RYR2: variants seen among roughly 807,000 people sequenced by gnomAD.
RYR2 encodes ryanodine receptor 2.
A neutral mutation model predicts 601.1 loss-of-function variants in RYR2; 227 were observed. That is an observed-to-expected ratio of 0.38 (90% CI 0.34 to 0.42). The LOEUF is 0.42. Among genes scored for constraint, RYR2 ranks in the 10% least tolerant of loss-of-function variants. The probability of loss-of-function intolerance (pLI) is 1.00; values close to 1 mark genes in which losing one functional copy is unlikely to be tolerated. For missense variants in RYR2, 4,646 were observed against 6,156.5 expected, an observed-to-expected ratio of 0.75 and a Z score of 8.21; for synonymous variants, 2,223 against 2,175.1, an observed-to-expected ratio of 1.02 and a Z score of -0.61.
chr1:237,824,358 C>G (rs897898249), intron 101 of RYR2, among the ~76,000 whole-genome samples: 1 of 152,174 alleles, frequency 6.6e-6, no homozygotes, highest in Non-Finnish European at 1.5e-5. Flanking sequence ...CCCTGGGATG[C>G]AAGGCTGGTT....
intron 1 of RYR2, among the ~76,000 whole-genome samples, chr1:237,046,125 A>G (rs540342717): frequency 6.6e-6 from 1 of 152,270 alleles, no homozygotes; most frequent in African/African-American, 2.4e-5. Context: ...CCACAATGAC[A>G]AGAAGCATCT....
At chr1:237,326,513 A>C (rs1696187573) in intron 2 of RYR2, among the ~76,000 whole-genome samples, 1 of 152,192 alleles carries the variant, frequency 6.6e-6, no homozygotes, top group Non-Finnish European at 1.5e-5. Flanking sequence ...GCCATATGTA[A>C]TGTGTAAGAG....
At chr1:237,813,933 A>G (rs1661513455) in intron 100 of RYR2, among the ~76,000 whole-genome samples, 1 of 152,178 alleles carries the variant, frequency 6.6e-6, no homozygotes, top group East Asian at 1.9e-4. Flanking sequence ...GACACAAGCC[A>G]CTTTTTCATC....
At chr1:237,095,957 A>G (rs1392357547) in intron 1 of RYR2, among the ~76,000 whole-genome samples, 4 of 152,218 alleles carry the variant, frequency 2.6e-5, no homozygotes, top group African/African-American at 9.6e-5. Context: ...CTTCCACTGG[A>G]GCCATTCTAC....
intron 80 of RYR2, among the ~76,000 whole-genome samples, chr1:237,752,271 G>A (rs952746287): frequency 6.6e-6 from 1 of 152,028 alleles, no homozygotes; most frequent in African/African-American, 2.4e-5. Flanking sequence ...CTGGCCTCAG[G>A]TGATTCTCCC....
At chr1:237,043,348 T>G (rs1660162352) in intron 1 of RYR2, among the ~76,000 whole-genome samples, 1 of 152,134 alleles carries the variant, frequency 6.6e-6, no homozygotes, top group South Asian at 2.1e-4. Context: ...CGTGTCGTTC[T>G]CTAAATGCTG....
At chr1:237,289,269 C>T (rs1203561193) in intron 2 of RYR2, among the ~76,000 whole-genome samples, 2 of 152,054 alleles carry the variant, frequency 1.3e-5, no homozygotes, top group Non-Finnish European at 2.9e-5. Flanking sequence ...CAATGCGAGC[C>T]CCCACATACT....
chr1:237,180,768 G>A lies in RYR2; in HGVS notation c.49-89729G>A, dbSNP rs537270203. Among the ~76,000 whole-genome samples, 3 of 146,954 alleles carry A rather than the reference G, an allele frequency of 2.0e-5. No homozygotes were observed. The Admixed American group carries it at 2.1e-4, about 10-fold the overall frequency. ...TATAATAAATATTAATATGTTAATA[G>A]TAATATGCTAACATGAATTATACCA... On this transcript the variant is annotated intron_variant, in intron 1 of 104. Coordinates refer to ENST00000366574, the MANE Select transcript of RYR2 (RefSeq NM_001035.3). This position sits in a 1 kb window ranked among gnomAD's most constrained non-coding sequence, Gnocchi z 5.3.
At chr1:237,351,603 G>A (rs527715850) in intron 3 of RYR2, among the ~76,000 whole-genome samples, 1 of 151,946 alleles carries the variant, frequency 6.6e-6, no homozygotes, top group African/African-American at 2.4e-5. Flanking sequence ...ACAATATAGT[G>A]TTAGCGAAAT....
At chr1:237,598,227 A>AC (rs1158440599) in intron 34 of RYR2, among the ~76,000 whole-genome samples, 1 of 152,184 alleles carries the variant, frequency 6.6e-6, no homozygotes, top group Admixed American at 6.5e-5. Flanking sequence ...GAAGTTCAAC[A>AC]CCCCACTTTC....
At chr1:237,816,099 G>A (rs1043433579) in intron 100 of RYR2, among the ~76,000 whole-genome samples, 1 of 152,084 alleles carries the variant, frequency 6.6e-6, no homozygotes, top group Non-Finnish European at 1.5e-5. Flanking sequence ...TCCAAGACCT[G>A]GACTGGGAAC....
At chr1:237,168,752 C>T (rs1487674235) in intron 1 of RYR2, among the ~76,000 whole-genome samples, 17 of 152,122 alleles carry the variant, frequency 1.1e-4, no homozygotes, top group Admixed American at 2.6e-4. Context: ...GTCAGTTATA[C>T]GCCGCTTTCA....
At chr1:237,381,009 C>T (rs988942799) in intron 8 of RYR2, among the ~76,000 whole-genome samples, 13 of 151,984 alleles carry the variant, frequency 8.6e-5, no homozygotes, top group African/African-American at 2.9e-4. Flanking sequence ...ACCCAGGAGG[C>T]AGATGTTGCA....
intron 100 of RYR2, among the ~76,000 whole-genome samples, chr1:237,817,631 T>G (rs569344583): frequency 1.7e-4 from 26 of 152,242 alleles, no homozygotes; most frequent in African/African-American, 5.5e-4. Flanking sequence ...AGATGATACT[T>G]AAAGCCATGA....
intron 1 of RYR2, among the ~76,000 whole-genome samples, chr1:237,157,124 C>A (rs1030473447): frequency 1.3e-5 from 2 of 151,654 alleles, no homozygotes; most frequent in African/African-American, 2.4e-5. Context: ...GGTGAAACCC[C>A]ATCTCTACTG....
chr1:237,747,021 T>C (rs973790034), intron 80 of RYR2, among the ~76,000 whole-genome samples: 2 of 152,218 alleles, frequency 1.3e-5, no homozygotes, highest in Admixed American at 1.3e-4. Context: ...TGGTTACTTC[T>C]TTTATTGCTC....
intron 2 of RYR2, among the ~76,000 whole-genome samples, chr1:237,272,248 C>T (rs1215614358): frequency 1.3e-5 from 2 of 151,962 alleles, no homozygotes; most frequent in African/African-American, 4.8e-5. Context: ...TGTAAAACTC[C>T]CTTACAGGTC....
chr1:237,728,838 G>C (rs1690432081), intron 76 of RYR2, among the ~76,000 whole-genome samples: 1 of 151,852 alleles, frequency 6.6e-6, no homozygotes, highest in Non-Finnish European at 1.5e-5. Flanking sequence ...ATGCATATGG[G>C]GCTTAAAACC....
chr1:237,803,373 C>T (rs866517890), intron 98 of RYR2, among the ~76,000 whole-genome samples: 36 of 151,686 alleles, frequency 2.4e-4, no homozygotes, highest in Middle Eastern at 3.4e-3. Flanking sequence ...GCACACTCTC[C>T]GCTCACTGCA....
Sources: allele counts gnomAD v4.1 joint callset (sites outside exome capture counted in the v4.1 genomes callset), GRCh38; gene constraint gnomAD v4.1.1; non-coding constraint Gnocchi (gnomAD v3.1); transcripts MANE v1.5; gene names NCBI Gene and HGNC (gene_info 2026-07-23, HGNC 2026-07-21).